Variants in CAMK1D observed in about 807,000 individuals in gnomAD.
The protein encoded by CAMK1D is calcium/calmodulin dependent protein kinase ID.
CAMK1D carries 9 observed loss-of-function variants against 47.7 expected under a neutral mutation model. That is an observed-to-expected ratio of 0.19 (90% CI 0.11 to 0.33). CAMK1D has a LOEUF of 0.33. Ranked by LOEUF, CAMK1D falls within the 10% of genes least tolerant of loss-of-function variation. The pLI is 1.00. For synonymous variants in CAMK1D, 184 were observed against 184.9 expected (o/e 0.99, Z 0.04); for missense variants, 291 against 488.7 (o/e 0.60, Z 3.81).
At chr10:12,683,694 A>G (rs896400628) in intron 3 of CAMK1D, among the ~76,000 whole-genome samples, 3 of 152,044 alleles carry the variant, frequency 2.0e-5, no homozygotes, top group South Asian at 4.2e-4. Context: ...TGCCTGGTAC[A>G]TAATAGGTTC....
At chr10:12,757,852 C>CTT (rs869125453) in intron 3 of CAMK1D, among the ~76,000 whole-genome samples, 1,733 of 91,298 alleles carry the variant, frequency 0.019, 38 homozygotes, top group South Asian at 0.095. Context: ...GGGCCCTGCT[C>CTT]TTTTTTTTTT....
chr10:12,655,271 G>A lies in CAMK1D; in HGVS notation c.225-11465G>A, dbSNP rs139548945. Among the ~76,000 whole-genome samples the A allele has an allele frequency of 1.3e-3, 201 of 152,212 alleles. 1 individual carries two copies. Among genetic ancestry groups the A allele is most frequent in the African/African-American group, 4.6e-3 (190 of 41,532 alleles). On this transcript the variant is annotated intron_variant, in intron 2 of 10. Transcript: ENST00000619168. ...CAGGATCGAGAGAGAGTGGGAGGGG[G>A]AGGTGCCACACAAGAAGCCACTGTC... is the stretch of plus-strand genomic sequence containing the variant.
chr10:12,672,134 C>T lies in CAMK1D; in HGVS notation c.299+5324C>T, dbSNP rs560012112. ...GTTTCACCATGTTGGCCAGGATGGT[C>T]TTGATCTCCTGACCTCGTGATCTGC... On this transcript the variant is annotated intron_variant, in intron 3 of 10. Coordinates refer to ENST00000619168, the MANE Select transcript of CAMK1D (RefSeq NM_153498.4). 2.1e-3 allele frequency among the ~76,000 whole-genome samples: 314 copies of T among 151,708 alleles called. 1 individual carries two copies. The Middle Eastern group carries it at 0.034, about 16-fold the overall frequency.
intron 1 of CAMK1D, among the ~76,000 whole-genome samples, chr10:12,503,627 C>T (rs549844553): frequency 6.6e-6 from 1 of 152,242 alleles, no homozygotes; most frequent in South Asian, 2.1e-4. Flanking sequence ...CTGACTCCAC[C>T]CTTTATGAAT....
intron 5 of CAMK1D, among the ~76,000 whole-genome samples, chr10:12,782,989 TTTTTTTG>T (rs1219254271): frequency 7.0e-4 from 98 of 140,488 alleles, no homozygotes; most frequent in African/African-American, 2.3e-3. Flanking sequence ...CAGTTTTTTT[TTTTTTTG>T]TTTTTTTTTT....
At chr10:12,584,379 G>A (rs1003590764) in intron 2 of CAMK1D, among the ~76,000 whole-genome samples, 5 of 152,200 alleles carry the variant, frequency 3.3e-5, no homozygotes, top group African/African-American at 1.2e-4. Context: ...GACCATGCTG[G>A]TGATGATGGT....
intron 1 of CAMK1D, among the ~76,000 whole-genome samples, chr10:12,358,504 G>A (rs963631056): frequency 6.6e-6 from 1 of 152,174 alleles, no homozygotes; most frequent in African/African-American, 2.4e-5. Context: ...CTCCACTCCA[G>A]CTTGGGCGAC....
intron 2 of CAMK1D, among the ~76,000 whole-genome samples, chr10:12,611,278 A>G (rs1838611518): frequency 6.6e-6 from 1 of 152,096 alleles, no homozygotes; most frequent in Non-Finnish European, 1.5e-5. Context: ...CACTAAACGC[A>G]GGCCCTGTGC....
At chr10:12,540,210 G>A (rs1836122375) in intron 1 of CAMK1D, among the ~76,000 whole-genome samples, 2 of 151,834 alleles carry the variant, frequency 1.3e-5, no homozygotes, top group East Asian at 1.9e-4. Context: ...GATTACAGGC[G>A]TGAGCCACTA....
intron 3 of CAMK1D, among the ~76,000 whole-genome samples, chr10:12,682,802 C>G (rs1832493772): frequency 8.9e-6 from 1 of 111,866 alleles, no homozygotes; most frequent in African/African-American, 2.9e-5. Flanking sequence ...ACTAACTATT[C>G]TGCTTATGTT....
intron 2 of CAMK1D, among the ~76,000 whole-genome samples, chr10:12,651,091 C>T (rs1839948814): frequency 6.6e-6 from 1 of 152,210 alleles, no homozygotes; most frequent in Admixed American, 6.5e-5. Flanking sequence ...CCACCTCCTC[C>T]TTCCTCCCCG....
chr10:12,350,391 GAGGTGT>G, intron 1 of CAMK1D, among the ~76,000 whole-genome samples: 1 of 152,378 alleles, frequency 6.6e-6, no homozygotes, highest in East Asian at 1.9e-4. Flanking sequence ...CTGCACGTAC[GAGGTGT>G]AGGCAAGACT....
At chr10:12,550,761 A>G (rs569434955) in intron 1 of CAMK1D, among the ~76,000 whole-genome samples, 16 of 152,262 alleles carry the variant, frequency 1.1e-4, no homozygotes, top group Middle Eastern at 3.4e-3. Context: ...GATGTTTTTC[A>G]TCTGGGATAT....
rs933358297 is a variant in CAMK1D at position 12,535,197 on chromosome 10, G to A, written c.93-18028G>A. On this transcript the variant is annotated intron_variant, in intron 1 of 10. Transcript: ENST00000619168. ...GCCTGCTCTCAGTTGCCCACCCACC[G>A]CAGGGTCCTTTGCACATCTGTGCGC... 1.1e-4 allele frequency among the ~76,000 whole-genome samples: 16 copies of A among 152,136 alleles called. 1 individual carries two copies.
chr10:12,397,032 T>C (rs1031106790), intron 1 of CAMK1D, among the ~76,000 whole-genome samples: 10 of 152,218 alleles, frequency 6.6e-5, no homozygotes, highest in African/African-American at 2.4e-4. Context: ...CCATTGGTAA[T>C]CTCCATTTTA....
intron 2 of CAMK1D, among the ~76,000 whole-genome samples, chr10:12,611,800 C>A (rs989654269): frequency 1.3e-5 from 2 of 151,932 alleles, no homozygotes; most frequent in African/African-American, 4.8e-5. Flanking sequence ...ACCGTGTTGG[C>A]CAGGCTGGTC....
At chr10:12,355,455 T>A (rs1183635827) in intron 1 of CAMK1D, among the ~76,000 whole-genome samples, 6 of 152,028 alleles carry the variant, frequency 3.9e-5, no homozygotes, top group Non-Finnish European at 7.4e-5. Context: ...TATGTGTTTG[T>A]GTGTGCGTGT....
intron 1 of CAMK1D, among the ~76,000 whole-genome samples, chr10:12,545,421 C>T (rs1340494857): frequency 1.4e-5 from 2 of 142,492 alleles, no homozygotes; most frequent in African/African-American, 5.3e-5. Context: ...TGCACTCCAG[C>T]CTGGGTGACA....
intron 1 of CAMK1D, among the ~76,000 whole-genome samples, chr10:12,537,219 G>C (rs949538896): frequency 1.3e-5 from 2 of 152,078 alleles, no homozygotes; most frequent in African/African-American, 4.8e-5. Context: ...TTACACATGT[G>C]TACCACTGTG....
Sources: allele counts gnomAD v4.1 joint callset (sites outside exome capture counted in the v4.1 genomes callset), GRCh38; gene constraint gnomAD v4.1.1; transcripts MANE v1.5; gene names NCBI Gene and HGNC (gene_info 2026-07-23, HGNC 2026-07-21).